The following ITGAX variants were observed in gnomAD, a reference collection of about 807,000 sequenced individuals.
The protein encoded by ITGAX is integrin alpha-X.
In ITGAX, 99 loss-of-function variants were observed where a neutral mutation model predicts 140.2. The ratio of observed to expected loss-of-function variants is 0.71; its 90% CI spans 0.60 to 0.83. The LOEUF (loss-of-function observed/expected upper bound fraction) is 0.83. Among genes scored for constraint, ITGAX ranks in the 40% least tolerant of loss-of-function variants. The pLI, the probability that ITGAX is intolerant of heterozygous loss-of-function variation, is 0.00. For synonymous variants in ITGAX, 631 were observed against 600.4 expected (o/e 1.05, Z -0.75); for missense variants, 1,444 against 1,482.0 (o/e 0.97, Z 0.42).
rs755248701 is a variant in ITGAX, at chr16:31,376,855, C to T, written c.2565C>T (p.Ser855=). 6.2e-7 allele frequency: 1 copy of T among 1,614,228 alleles called. No individual in the cohort carries two copies. Among genetic ancestry groups the T allele is most frequent in the Admixed American group, 1.7e-5 (1 of 60,016 alleles). The stretch of plus-strand genomic sequence containing the variant: ...CATGTGACAGCGCCCCAGTTGGGAG[C>T]CAGGGCACCTGGAGCACCAGCTGCA... ...HLTCDSAPVG[S]QGTWSTSCRI... is the part of the protein sequence containing the mutation. Residue 855 remains serine (S), a synonymous_variant, in exon 21 of 30, where the codon AGC becomes AGT. Transcript: ENST00000268296.
chr16:31,382,242 TTC>T lies in ITGAX; in HGVS notation c.*337_*338del, dbSNP rs2081075924. ...TTCTTTCCTTTCTTTTTTTTTTTTT[TTC>T]TTTTCTTTTTTTTTTTTTTGAGACG... On this transcript the variant is annotated 3_prime_UTR_variant, in exon 30 of 30. Coordinates refer to ENST00000268296, the MANE Select transcript of ITGAX (RefSeq NM_000887.5). The T allele has an allele frequency of 2.9e-5, 32 of 1,104,980 alleles. No individual in the cohort carries two copies. Among genetic ancestry groups the T allele is most frequent in the South Asian group, 1.9e-4 (9 of 48,528 alleles). The allele number at this position is 1,104,980 out of a possible 1,614,324, so 68.4% of individuals were successfully genotyped here. A position where few individuals can be genotyped will look rare whatever the true frequency, so the allele number is the denominator to read the frequency against.
At chr16:31,356,912 C>T (rs2080766929) in intron 3 of ITGAX, 119 bp from the exon 4 acceptor site, 14 of 964,716 alleles carry the variant, frequency 1.5e-5, no homozygotes, top group East Asian at 2.5e-5. Flanking sequence ...TGTCAAGACC[C>T]GACAGCTTCC....
At chr16:31,363,668 C>T (rs2080862654) in intron 14 of ITGAX, among the ~76,000 whole-genome samples, 1 of 152,246 alleles carries the variant, frequency 6.6e-6, no homozygotes, top group Admixed American at 6.5e-5. Flanking sequence ...TGGTCTTGAA[C>T]TCCTGACCTC....
intron 12 of ITGAX, 88 bp from the exon 13 acceptor site, chr16:31,362,847 G>A: frequency 1.2e-6 from 2 of 1,606,126 alleles, no homozygotes; most frequent in Non-Finnish European, 8.5e-7. Context: ...CCTTGGGGGA[G>A]GTCCTGGTAC....
chr16:31,378,190 G>A (rs1367547539), intron 23 of ITGAX, among the ~76,000 whole-genome samples: 2 of 152,128 alleles, frequency 1.3e-5, no homozygotes, highest in African/African-American at 4.8e-5. Context: ...AAGGAAATGG[G>A]AAAAAAGGGC....
chr16:31,364,966 C>T (rs149332844), intron 14 of ITGAX, among the ~76,000 whole-genome samples: 6 of 152,002 alleles, frequency 3.9e-5, no homozygotes, highest in Non-Finnish European at 7.4e-5. Flanking sequence ...TTGTGGTGAG[C>T]CGAGATCGCG....
Position 31,362,739 on chromosome 16 carries a change from G to A in ITGAX, c.1345G>A (p.Val449Ile). 6.2e-7 allele frequency: 1 copy of A among 1,613,900 alleles called. No homozygotes were observed. The highest frequency in any genetic ancestry group is 8.5e-7 in the Non-Finnish European group (1 of 1,179,880). The change falls in exon 12 of 30, where the codon GTC (valine) becomes ATC (isoleucine). Residue 449 changes from valine (V) to isoleucine (I), a missense_variant. Val to Ile is a conservative substitution (Grantham distance 29). Transcript: ENST00000268296. ...CAGGCAATGGAGGATGAAGGCCGAA[G>A]TCACGGGGACTCAGGTTGGGCGTGA... is the stretch of plus-strand genomic sequence containing the variant. ...VSRQWRMKAE[V>I]TGTQIGSYFG... is the part of the protein sequence containing the mutation.
chr16:31,377,319 GAAAA>G (rs11411067), intron 23 of ITGAX, 54 bp downstream of exon 23: 6 of 1,041,490 alleles, frequency 5.8e-6, no homozygotes, highest in Non-Finnish European at 1.4e-6. Context: ...ACCTCAAAAA[GAAAA>G]AAAAAAAAAG....
Position 31,362,922 on chromosome 16 carries a change from C to T in ITGAX, c.1360-13C>T, listed in dbSNP as rs756118819. On this transcript the variant is annotated splice_polypyrimidine_tract_variant and intron_variant, in intron 12 of 29. Coordinates refer to ENST00000268296, the MANE Select transcript of ITGAX (RefSeq NM_000887.5). ...GCAGGGACAGGCAGCATGACCCAGG[C>T]TCTGCCCTTCAGATCGGCTCCTACT... The T allele has an allele frequency of 6.2e-7, 1 of 1,611,440 alleles. No individual in the cohort carries two copies. Among genetic ancestry groups the T allele is most frequent in the African/African-American group, 1.3e-5 (1 of 74,920 alleles).
rs2080745835 is a variant in ITGAX at position 31,355,242 on chromosome 16, T to C, written c.-13T>C. The stretch of plus-strand genomic sequence containing the variant: ...GCCCAGGAGCTCAGAGCTCCACATC[T>C]GACCTTCTAGTCATGACCAGGACCA... On this transcript the variant is annotated 5_prime_UTR_variant, in exon 1 of 30. Coordinates refer to ENST00000268296, the MANE Select transcript of ITGAX (RefSeq NM_000887.5). The C allele has an allele frequency of 1.9e-6, 3 of 1,613,786 alleles. No individual in the cohort carries two copies. In the East Asian group the frequency reaches 6.7e-5, roughly 36 times the overall value.
In ITGAX at chr16:31,373,366, C is replaced by G; in HGVS notation, c.2484C>G (p.Ser828=). Residue 828 remains serine, a synonymous_variant, in exon 20 of 30, where the codon TCC becomes TCG. Coordinates refer to ENST00000268296, the MANE Select transcript of ITGAX (RefSeq NM_000887.5). ...TITFSHPAGL[S]YRYVAEGQKQ... Reference sequence around the variant, plus strand: ...CCTTCTCCCACCCCGCAGGACTGTCCTACCGCTACGTGGCAGAGGGCCAGG... The same window carrying G: ...CCTTCTCCCACCCCGCAGGACTGTCGTACCGCTACGTGGCAGAGGGCCAGG... 3 of 1,612,720 alleles carry G rather than the reference C, an allele frequency of 1.9e-6. No individual in the cohort carries two copies. Among genetic ancestry groups the G allele is most frequent in the Non-Finnish European group, 2.5e-6 (3 of 1,179,694 alleles).
At chr16:31,362,244 A>G (rs760698150) in intron 11 of ITGAX, 40 bp downstream of exon 11, 45 of 1,599,070 alleles carry the variant, frequency 2.8e-5, no homozygotes, top group Admixed American at 6.7e-5. Flanking sequence ...TGGGAGATGC[A>G]CTGCCCAGGG....
At position 31,380,999 on chromosome 16, in the gene ITGAX, C is replaced by G. The variant is rs753475662; in HGVS notation, c.3379C>G (p.Leu1127Val). The G allele has an allele frequency of 1.2e-6, 2 of 1,613,228 alleles. No homozygotes were observed. Among genetic ancestry groups the G allele is most frequent in the Non-Finnish European group, 1.7e-6 (2 of 1,179,186 alleles). ...LLLLALITAV[L>V]YKVGFFKRQY... is the part of the protein sequence containing the mutation. Reference sequence around the variant, plus strand: ...GCTGCTGGCACTCATCACAGCGGTACTGTACAAAGTGAGTGTTTTATGCCA... The same window carrying G: ...GCTGCTGGCACTCATCACAGCGGTAGTGTACAAAGTGAGTGTTTTATGCCA... Residue 1127 changes from leucine (L) to valine (V), a missense_variant, in exon 29 of 30, where the codon CTG (leucine) becomes GTG (valine). By Grantham distance (32) the Leu-to-Val change is conservative. Coordinates refer to ENST00000268296, the MANE Select transcript of ITGAX (RefSeq NM_000887.5).
intron 14 of ITGAX, among the ~76,000 whole-genome samples, chr16:31,368,959 G>T (rs1014374896): frequency 1.9e-4 from 29 of 152,144 alleles, no homozygotes; most frequent in African/African-American, 6.3e-4. Context: ...CAAGGCAGAA[G>T]AATTTTTCTT....
At chr16:31,370,154 C>T (rs1000391622) in intron 14 of ITGAX, 1 of 152,188 alleles carries the variant, frequency 6.6e-6, no homozygotes, top group Non-Finnish European at 1.5e-5. Flanking sequence ...CGGGGTTTCA[C>T]CATGTTGGCC....
rs532542488 is a variant in ITGAX at position 31,367,583 on chromosome 16, G to A, written c.1711-3501G>A. On this transcript the variant is annotated intron_variant, in intron 14 of 29. Coordinates refer to ENST00000268296, the MANE Select transcript of ITGAX (RefSeq NM_000887.5). ...GTGACAGCACATCTGTTTATAGCATGCTTGACTGAGTGTTTTAAGCCCATT... is the reference window on the plus strand; with the variant it reads ...GTGACAGCACATCTGTTTATAGCATACTTGACTGAGTGTTTTAAGCCCATT... Among the ~76,000 whole-genome samples the A allele has an allele frequency of 2.0e-5, 3 of 152,304 alleles. No homozygotes were observed. In the South Asian group the frequency reaches 6.2e-4, roughly 32 times the overall value.
rs760495420 is a variant in ITGAX at position 31,380,995 on chromosome 16, G to A, written c.3375G>A (p.Ala1125=). ...GGLLLLALIT[A]VLYKVGFFKR... ...TGTTGCTGCTGGCACTCATCACAGC[G>A]GTACTGTACAAAGTGAGTGTTTTAT... is the stretch of plus-strand genomic sequence containing the variant. The change falls in exon 29 of 30, where the codon GCG becomes GCA. Residue 1125 remains alanine, a synonymous_variant. Transcript: ENST00000268296. 18 of 1,613,190 alleles carry A rather than the reference G, an allele frequency of 1.1e-5. No homozygotes were observed. The highest frequency in any genetic ancestry group is 3.3e-5 in the Admixed American group (2 of 59,984).
Position 31,373,303 on chromosome 16 carries a change from G to A in ITGAX, c.2421G>A (p.Val807=). The A allele has an allele frequency of 6.2e-7, 1 of 1,613,970 alleles. No individual in the cohort carries two copies. The highest frequency in any genetic ancestry group is 8.5e-7 in the Non-Finnish European group (1 of 1,179,982). ...TGGAGCTGAACGCAGAAGTGATGGT[G>A]TGGAATGACGGGGAAGACTCCTACG... ...SNLELNAEVM[V]WNDGEDSYGT... is the part of the protein sequence containing the mutation. Residue 807 remains valine, a synonymous_variant, in exon 20 of 30, where the codon GTG becomes GTA. Transcript: ENST00000268296.
intron 27 of ITGAX, 47 bp downstream of exon 27, chr16:31,380,426 C>CCTG (rs1229591384): frequency 6.2e-7 from 1 of 1,610,744 alleles, no homozygotes; most frequent in Non-Finnish European, 8.5e-7. Context: ...TCAGGCGGGA[C>CCTG]CTGGCATGTC....
Sources: allele counts gnomAD v4.1 joint callset (sites outside exome capture counted in the v4.1 genomes callset), GRCh38; gene constraint gnomAD v4.1.1; transcripts MANE v1.5; gene names NCBI Gene and HGNC (gene_info 2026-07-23, HGNC 2026-07-21).